Variants in NPSR1 observed in about 807,000 individuals in gnomAD.
The protein encoded by NPSR1 is neuropeptide S receptor.
In NPSR1, 48 loss-of-function variants were observed where a neutral mutation model predicts 46.9. That is an observed-to-expected ratio of 1.02 (90% confidence interval 0.81 to 1.30). NPSR1 has a LOEUF of 1.30. Among genes scored for constraint, NPSR1 ranks in the 50% most tolerant of loss-of-function variants. NPSR1 has a pLI of 0.00. For synonymous variants in NPSR1, 176 were observed against 168.1 expected (o/e 1.05, Z -0.36); for missense variants, 450 against 449.5 (o/e 1.00, Z -0.01).
At chr7:34,752,072 G>A (rs80045900) in intron 2 of NPSR1, 57 of 613,944 alleles carry the variant, frequency 9.3e-5, no homozygotes, top group Non-Finnish European at 1.4e-4. Flanking sequence ...TTCTGCAACC[G>A]GTGACGGGGA....
At chr7:34,836,754 C>T (rs1442547678) in intron 6 of NPSR1, among the ~76,000 whole-genome samples, 9 of 137,466 alleles carry the variant, frequency 6.5e-5, no homozygotes, top group South Asian at 2.4e-4. Flanking sequence ...AGAAGAGAGG[C>T]GGGGGGGAAG....
intron 8 of NPSR1, among the ~76,000 whole-genome samples, chr7:34,873,060 T>G (rs1301538748): frequency 6.6e-6 from 1 of 151,838 alleles, no homozygotes; most frequent in Non-Finnish European, 1.5e-5. Context: ...AAGTTCAAAC[T>G]TCTATAGAGC....
Position 34,827,570 on chromosome 7 carries a change from C to T in NPSR1, c.648C>T (p.Phe216=), listed in dbSNP as rs17170011. 141,849 of 1,529,128 alleles carry T rather than the reference C, an allele frequency of 0.093. 6,817 individuals carry two copies. The highest frequency in any genetic ancestry group is 0.17 in the East Asian group (6,474 of 38,712). 94.7% of individuals were successfully genotyped at this position (1,529,128 alleles called of 1,614,324 possible). ...YWTPYMTIVA[F]LVYFIPLTII... is the part of the protein sequence containing the mutation. Reference sequence around the variant, plus strand: ...CCCCATACATGACCATCGTGGCCTTCCTGGTGTACTTCATCCCTCTGACAA... The same window carrying T: ...CCCCATACATGACCATCGTGGCCTTTCTGGTGTACTTCATCCCTCTGACAA... Residue 216 remains phenylalanine (F), a synonymous_variant, in exon 5 of 9, where the codon TTC becomes TTT. Coordinates refer to ENST00000360581, the MANE Select transcript of NPSR1 (RefSeq NM_207172.2).
chr7:34,788,521 A>G (rs147424997), intron 3 of NPSR1, among the ~76,000 whole-genome samples: 4 of 152,248 alleles, frequency 2.6e-5, no homozygotes, highest in Admixed American at 2.6e-4. Context: ...CTACATTTAC[A>G]TCACATAGAA....
At chr7:34,830,152 T>C (rs1790048530) in intron 5 of NPSR1, among the ~76,000 whole-genome samples, 1 of 152,248 alleles carries the variant, frequency 6.6e-6, no homozygotes, top group African/African-American at 2.4e-5. Flanking sequence ...TGCTACAATT[T>C]CATCTCAGAT....
At chr7:34,750,606 C>A in intron 2 of NPSR1, 1 of 684,936 alleles carries the variant, frequency 1.5e-6, no homozygotes. Context: ...TGCTCAAATT[C>A]ATCTATTATA....
chr7:34,689,621 A>AAAAG lies in NPSR1; in HGVS notation c.280+4940_280+4941insGAAA, dbSNP rs1793136015. Among the ~76,000 whole-genome samples the AAAAG allele has an allele frequency of 7.0e-5, 8 of 113,840 alleles. 1 individual carries two copies. The highest frequency in any genetic ancestry group is 3.5e-4 in the African/African-American group (8 of 22,700). 74.7% of individuals were successfully genotyped at this position (113,840 alleles called of 152,430 possible). A position where few individuals can be genotyped will look rare whatever the true frequency, so the allele number is the denominator to read the frequency against. On this transcript the variant is annotated intron_variant, in intron 2 of 8. Coordinates refer to ENST00000360581, the MANE Select transcript of NPSR1 (RefSeq NM_207172.2). ...CTCTGTCTCAAAAAAAAAAAAAAAA[A>AAAAG]AAAAAAAAAAAAAGAAAAGAAAAGA... is the stretch of plus-strand genomic sequence containing the variant.
chr7:34,790,774 A>G (rs1787731883), intron 3 of NPSR1, among the ~76,000 whole-genome samples: 1 of 128,306 alleles, frequency 7.8e-6, no homozygotes, highest in Non-Finnish European at 1.6e-5. Context: ...TATATAATAT[A>G]TGTTATATGT....
intron 2 of NPSR1, among the ~76,000 whole-genome samples, chr7:34,744,188 T>C (rs1004216653): frequency 3.3e-5 from 5 of 152,230 alleles, no homozygotes; most frequent in Non-Finnish European, 7.3e-5. Context: ...ATCTTCCTGG[T>C]GAATTTAACT....
At chr7:34,659,014 GGAC>G (rs1226067131) in intron 1 of NPSR1, among the ~76,000 whole-genome samples, 2 of 152,158 alleles carry the variant, frequency 1.3e-5, no homozygotes, top group Admixed American at 6.5e-5. Context: ...AAGGCAGGAA[GGAC>G]GACACTTTCT....
At chr7:34,702,515 T>C (rs1193229925) in intron 2 of NPSR1, among the ~76,000 whole-genome samples, 1 of 152,188 alleles carries the variant, frequency 6.6e-6, no homozygotes, top group African/African-American at 2.4e-5. Context: ...AAATCTCTTT[T>C]TGTCCACCCA....
intron 8 of NPSR1, among the ~76,000 whole-genome samples, chr7:34,866,609 C>T (rs1461113043): frequency 2.0e-5 from 3 of 151,410 alleles, no homozygotes; most frequent in Admixed American, 6.6e-5. Flanking sequence ...CATAATTAGA[C>T]TGTGATAAGT....
chr7:34,714,576 G>A (rs1234171288), intron 2 of NPSR1, among the ~76,000 whole-genome samples: 2 of 152,220 alleles, frequency 1.3e-5, no homozygotes, highest in Non-Finnish European at 2.9e-5. Context: ...AGCTCCCTCA[G>A]TTTCCAAAGA....
At chr7:34,826,989 G>A (rs149035241) in intron 4 of NPSR1, among the ~76,000 whole-genome samples, 23 of 152,162 alleles carry the variant, frequency 1.5e-4, no homozygotes, top group Admixed American at 1.1e-3. Context: ...AAGATGCCAC[G>A]TGGACCAAAG....
At chr7:34,682,020 C>T (rs1449772127) in intron 1 of NPSR1, among the ~76,000 whole-genome samples, 1 of 152,156 alleles carries the variant, frequency 6.6e-6, no homozygotes, top group Non-Finnish European at 1.5e-5. Flanking sequence ...CTAGGCAAAC[C>T]AGGTTACATA....
At chr7:34,859,586 A>G (rs1312095073) in intron 8 of NPSR1, among the ~76,000 whole-genome samples, 2 of 151,724 alleles carry the variant, frequency 1.3e-5, no homozygotes, top group African/African-American at 4.9e-5. Flanking sequence ...CTTTGGGCCC[A>G]TGGTAGGCAA....
intron 2 of NPSR1, among the ~76,000 whole-genome samples, chr7:34,777,466 C>T (rs901017033): frequency 6.6e-5 from 10 of 151,314 alleles, no homozygotes; most frequent in Admixed American, 1.3e-4. Context: ...AGAGGGGTGG[C>T]GTCAGAGATT....
chr7:34,716,394 TAAG>T (rs1363970444), intron 2 of NPSR1, among the ~76,000 whole-genome samples: 1 of 152,134 alleles, frequency 6.6e-6, no homozygotes, highest in Non-Finnish European at 1.5e-5. Flanking sequence ...AACTTTGACT[TAAG>T]AAGAGCAGAA....
chr7:34,799,203 C>G (rs1788350177), intron 3 of NPSR1, among the ~76,000 whole-genome samples: 1 of 151,850 alleles, frequency 6.6e-6, no homozygotes, highest in African/African-American at 2.4e-5. Context: ...TTAGCCATTC[C>G]ACATGTATAC....
Sources: gnomAD v4.1 joint callset for allele counts (sites outside exome capture counted in the v4.1 genomes callset) on GRCh38, gnomAD v4.1.1 for gene constraint, MANE v1.5 for transcripts, NCBI Gene and HGNC (gene_info 2026-07-23, HGNC 2026-07-21) for gene names.